HECW1: variants seen among roughly 807,000 people sequenced by gnomAD.
The protein encoded by HECW1 is E3 ubiquitin-protein ligase HECW1.
In HECW1, 61 loss-of-function variants were observed where a neutral mutation model predicts 182.3. That is an observed-to-expected ratio of 0.33 (90% CI 0.27 to 0.41). HECW1 has a LOEUF of 0.41. Among genes scored for constraint, HECW1 ranks in the 10% least tolerant of loss-of-function variants. HECW1 has a pLI of 1.00. For synonymous variants in HECW1, 859 were observed against 832.6 expected, an observed-to-expected ratio of 1.03 and a Z score of -0.55; for missense variants, 1,739 against 2,108.9, an observed-to-expected ratio of 0.82 and a Z score of 3.44.
chr7:43,161,950 A>G (rs555360603), intron 2 of HECW1, among the ~76,000 whole-genome samples: 1 of 152,172 alleles, frequency 6.6e-6, no homozygotes, highest in South Asian at 2.1e-4. Context: ...TGCGCCTTTC[A>G]CCGCCCACTA....
Position 43,441,792 on chromosome 7 carries a change from T to A in HECW1, c.945-737T>A, listed in dbSNP as rs117365583. ...TATAATTTTCACATGCTACAAAATGTTACTCTTCTTTTATTTCTTTTTCCA... is the reference window on the plus strand; with the variant it reads ...TATAATTTTCACATGCTACAAAATGATACTCTTCTTTTATTTCTTTTTCCA... On this transcript the variant is annotated intron_variant, in intron 9 of 29. Coordinates refer to ENST00000395891, the MANE Select transcript of HECW1 (RefSeq NM_015052.5). Among the ~76,000 whole-genome samples, 48 of 152,338 alleles carry A rather than the reference T, an allele frequency of 3.2e-4. 1 individual carries two copies. In the East Asian group the frequency reaches 7.9e-3, roughly 25 times the overall value.
intron 24 of HECW1, among the ~76,000 whole-genome samples, chr7:43,513,666 CTGTT>C (rs776996709): frequency 1.1e-3 from 163 of 146,828 alleles, no homozygotes; most frequent in Non-Finnish European, 1.9e-3. Context: ...GAAAAAAAAA[CTGTT>C]TGTGGGTTTT....
chr7:43,492,781 G>A (rs1177777859), intron 18 of HECW1, among the ~76,000 whole-genome samples: 2 of 152,188 alleles, frequency 1.3e-5, no homozygotes, highest in Non-Finnish European at 2.9e-5. Context: ...CCTCTTATGG[G>A]AGAGCTATTT....
chr7:43,517,359 C>T (rs1001489520), intron 24 of HECW1, among the ~76,000 whole-genome samples: 2 of 151,672 alleles, frequency 1.3e-5, no homozygotes, highest in African/African-American at 2.4e-5. Flanking sequence ...GCCCCAGCCC[C>T]GACCTCTCTC....
chr7:43,372,691 C>T (rs959985139), intron 6 of HECW1, among the ~76,000 whole-genome samples: 1 of 151,512 alleles, frequency 6.6e-6, no homozygotes, highest in Non-Finnish European at 1.5e-5. Flanking sequence ...AAGGAAAAAG[C>T]CTTGTAAAAT....
At chr7:43,232,137 C>G (rs950607709) in intron 2 of HECW1, among the ~76,000 whole-genome samples, 1 of 151,208 alleles carries the variant, frequency 6.6e-6, no homozygotes, top group Non-Finnish European at 1.5e-5. Context: ...AAGAAAGAAA[C>G]CAGCAAATAC....
chr7:43,156,644 A>T (rs1018601466), intron 2 of HECW1, among the ~76,000 whole-genome samples: 3 of 150,406 alleles, frequency 2.0e-5, no homozygotes, highest in Admixed American at 2.0e-4. Flanking sequence ...TTCATGATTC[A>T]TTCCCAAAAC....
At chr7:43,176,301 G>A (rs888858004) in intron 2 of HECW1, among the ~76,000 whole-genome samples, 1 of 152,188 alleles carries the variant, frequency 6.6e-6, no homozygotes, top group Non-Finnish European at 1.5e-5. Flanking sequence ...GTCAGAAGGA[G>A]TATACAACAG....
chr7:43,416,465 G>T (rs1327990917), intron 8 of HECW1, among the ~76,000 whole-genome samples: 1 of 150,648 alleles, frequency 6.6e-6, no homozygotes, highest in Admixed American at 6.6e-5. Flanking sequence ...GTCTGCAGAG[G>T]TTACTGCTGT....
At chr7:43,442,428 C>G (rs1309410620) in intron 9 of HECW1, 101 bp from the exon 10 acceptor site, 2 of 775,278 alleles carry the variant, frequency 2.6e-6, no homozygotes, top group Non-Finnish European at 4.5e-6. Flanking sequence ...CAGGACTTCC[C>G]TGGGCTTGCC....
intron 8 of HECW1, among the ~76,000 whole-genome samples, chr7:43,416,123 A>C (rs2075985907): frequency 6.6e-6 from 1 of 151,184 alleles, no homozygotes; most frequent in South Asian, 2.1e-4. Context: ...TAGAGTTTCC[A>C]GTTTTTCTGT....
intron 3 of HECW1, among the ~76,000 whole-genome samples, chr7:43,288,653 G>C (rs1190827090): frequency 1.3e-5 from 2 of 152,246 alleles, no homozygotes; most frequent in East Asian, 3.9e-4. Flanking sequence ...AGCCCAGGAG[G>C]ATTGTGAGAT....
chr7:43,430,431 T>C (rs1346592420), intron 8 of HECW1, among the ~76,000 whole-genome samples: 1 of 152,250 alleles, frequency 6.6e-6, no homozygotes, highest in South Asian at 2.1e-4. Flanking sequence ...ACAAAAAGTA[T>C]AGATTACAAT....
chr7:43,226,389 G>A (rs1221849463), intron 2 of HECW1, among the ~76,000 whole-genome samples: 6 of 152,144 alleles, frequency 3.9e-5, no homozygotes, highest in Non-Finnish European at 5.9e-5. Context: ...CCCCAGTGGG[G>A]TGATGATGTT....
At position 43,112,767 on chromosome 7, in the gene HECW1, C is replaced by G. The variant is rs867562292; in HGVS notation, c.-437C>G. ...CCGCCGTGACAGTGGCCGTGGCCTC[C>G]GCTCTCTCGGGGCACCCGGCAGCCA... On this transcript the variant is annotated 5_prime_UTR_variant, in exon 1 of 30. Transcript: ENST00000395891. The G allele has an allele frequency of 8.7e-6, 2 of 230,546 alleles. No individual in the cohort carries two copies. Among genetic ancestry groups the G allele is most frequent in the African/African-American group, 4.4e-5 (2 of 45,134 alleles). 14.3% of individuals were successfully genotyped at this position (230,546 alleles called of 1,614,324 possible). A position where few individuals can be genotyped will look rare whatever the true frequency, so the allele number is the denominator to read the frequency against.
intron 2 of HECW1, among the ~76,000 whole-genome samples, chr7:43,188,287 T>G (rs1355698371): frequency 6.6e-6 from 1 of 152,202 alleles, no homozygotes; most frequent in Non-Finnish European, 1.5e-5. Context: ...GATTGAGGTT[T>G]TTGAAGGAAA....
At chr7:43,235,722 G>A (rs1260298937) in intron 2 of HECW1, among the ~76,000 whole-genome samples, 1 of 152,154 alleles carries the variant, frequency 6.6e-6, no homozygotes, top group East Asian at 1.9e-4. Context: ...AGGATGGCCA[G>A]TGGGTCTCAG....
intron 15 of HECW1, among the ~76,000 whole-genome samples, chr7:43,466,771 T>C (rs1357827132): frequency 6.6e-6 from 1 of 152,182 alleles, no homozygotes; most frequent in Non-Finnish European, 1.5e-5. Context: ...TGTTGCCTCT[T>C]TGGGTTTTTT....
Position 43,432,364 on chromosome 7 carries a change from C to A in HECW1, c.802-5639C>A, listed in dbSNP as rs2076580502. ...CCGTTTTAGCCGGGATGGTCTCGAT[C>A]TCCTGACCTCGTGATCCGCCCGCCT... On this transcript the variant is annotated intron_variant, in intron 8 of 29. Coordinates refer to ENST00000395891, the MANE Select transcript of HECW1 (RefSeq NM_015052.5). The surrounding 1 kb of genome is among the most constrained non-coding windows in gnomAD (Gnocchi z 4.1). 6.6e-6 allele frequency among the ~76,000 whole-genome samples: 1 copy of A among 151,972 alleles called. No homozygotes were observed. The highest frequency in any genetic ancestry group is 1.5e-5 in the Non-Finnish European group (1 of 67,976).
Sources: allele counts gnomAD v4.1 joint callset (sites outside exome capture counted in the v4.1 genomes callset), GRCh38; gene constraint gnomAD v4.1.1; non-coding constraint Gnocchi (gnomAD v3.1); transcripts MANE v1.5; gene names NCBI Gene and HGNC (gene_info 2026-07-23, HGNC 2026-07-21).